Variants in TMEM117 observed in about 807,000 individuals in gnomAD.
The protein encoded by TMEM117 is transmembrane protein 117.
TMEM117 carries 27 observed loss-of-function variants against 52.4 expected under a neutral mutation model. The observed-to-expected ratio is 0.51, with a 90% CI of 0.38 to 0.71. The LOEUF (loss-of-function observed/expected upper bound fraction) is 0.71, where lower values mean the gene tolerates loss of function less well. Among genes scored for constraint, TMEM117 ranks in the 30% least tolerant of loss-of-function variants. The pLI is 0.00. For synonymous variants in TMEM117, 215 were observed against 206.3 expected, an observed-to-expected ratio of 1.04 and a Z score of -0.36; for missense variants, 556 against 630.5, an observed-to-expected ratio of 0.88 and a Z score of 1.26.
intron 2 of TMEM117, among the ~76,000 whole-genome samples, chr12:43,847,165 G>T (rs1943224617): frequency 6.6e-6 from 1 of 152,140 alleles, no homozygotes; most frequent in Non-Finnish European, 1.5e-5. Context: ...GAAGGAGCTA[G>T]ATTAAAGTGG....
At chr12:44,008,903 C>T (rs1263107506) in intron 3 of TMEM117, 1 of 414,654 alleles carries the variant, frequency 2.4e-6, no homozygotes, top group African/African-American at 2.1e-5. Flanking sequence ...TGGTTTTACT[C>T]TTTGATGTGT....
At chr12:44,024,391 G>A (rs560848273) in intron 3 of TMEM117, among the ~76,000 whole-genome samples, 15 of 152,260 alleles carry the variant, frequency 9.9e-5, no homozygotes, top group Middle Eastern at 3.4e-3. Context: ...AGTCCTCACC[G>A]TTACAGTACT....
intron 3 of TMEM117, among the ~76,000 whole-genome samples, chr12:43,951,548 C>A (rs1162913458): frequency 6.6e-6 from 1 of 152,176 alleles, no homozygotes; most frequent in Non-Finnish European, 1.5e-5. Flanking sequence ...CAGCTGTGAC[C>A]AGACTGCTTC....
chr12:43,796,639 T>C, the TMEM117 span, among the ~76,000 whole-genome samples: 1 of 152,088 alleles, frequency 6.6e-6, no homozygotes, highest in Non-Finnish European at 1.5e-5. Flanking sequence ...TTTGCACTGA[T>C]GGAAATGTCC....
chr12:43,865,294 T>C (rs1943571011), intron 2 of TMEM117, among the ~76,000 whole-genome samples: 1 of 152,110 alleles, frequency 6.6e-6, no homozygotes, highest in Admixed American at 6.5e-5. Context: ...GTAAAGTCCT[T>C]CTAACTTTAC....
the TMEM117 span, chr12:43,799,367 A>G: frequency 2.8e-6 from 4 of 1,413,300 alleles, no homozygotes; most frequent in Non-Finnish European, 3.9e-6. Flanking sequence ...AACACTTAAA[A>G]TCTTGCAAAG....
the TMEM117 span, chr12:43,805,730 T>C: frequency 2.5e-6 from 3 of 1,191,864 alleles, no homozygotes; most frequent in Non-Finnish European, 3.4e-6. Context: ...GGGAGAGTTT[T>C]GGGAAGCACC....
intron 3 of TMEM117, among the ~76,000 whole-genome samples, chr12:43,948,527 G>A (rs551574203): frequency 7.2e-4 from 109 of 152,070 alleles, no homozygotes; most frequent in African/African-American, 1.0e-3. Flanking sequence ...GGATGGTCTC[G>A]ATCTCCTGAC....
rs572854267 is a variant in TMEM117 at position 44,325,306 on chromosome 12, A to G, written c.768+25567A>G. On this transcript the variant is annotated intron_variant, in intron 6 of 7. Coordinates refer to ENST00000266534, the MANE Select transcript of TMEM117 (RefSeq NM_032256.3). ...TACAGTGAAAACTATGAATATCCAC[A>G]CTAAGTGGGGGCAGACATTGGCCAT... Among the ~76,000 whole-genome samples the G allele has an allele frequency of 2.6e-5, 4 of 152,218 alleles. No individual in the cohort carries two copies. The East Asian group carries it at 7.7e-4, about 29-fold the overall frequency.
chr12:43,984,559 C>T (rs1235712236), intron 3 of TMEM117, among the ~76,000 whole-genome samples: 3 of 152,094 alleles, frequency 2.0e-5, no homozygotes, highest in Admixed American at 6.6e-5. Context: ...TTCTTTGTGA[C>T]TTACAGAAAA....
chr12:44,153,037 C>T (rs926073706), intron 4 of TMEM117, among the ~76,000 whole-genome samples: 1 of 151,200 alleles, frequency 6.6e-6, no homozygotes, highest in African/African-American at 2.4e-5. Flanking sequence ...GGGAGTCATT[C>T]GACTAATTCC....
chr12:43,946,011 A>G (rs906868787), intron 3 of TMEM117, among the ~76,000 whole-genome samples: 3 of 152,244 alleles, frequency 2.0e-5, no homozygotes, highest in Non-Finnish European at 4.4e-5. Flanking sequence ...CAAGTGATAA[A>G]TTCACGAATG....
chr12:44,213,206 A>T (rs908956373), intron 5 of TMEM117, among the ~76,000 whole-genome samples: 1 of 152,196 alleles, frequency 6.6e-6, no homozygotes, highest in African/African-American at 2.4e-5. Context: ...TAATCATGAC[A>T]ATCCCATAAG....
chr12:44,092,302 C>G, intron 3 of TMEM117, among the ~76,000 whole-genome samples: 1 of 152,174 alleles, frequency 6.6e-6, no homozygotes, highest in East Asian at 1.9e-4. Context: ...TTTCTGAAAG[C>G]ATATTTCCAG....
chr12:44,278,812 G>A (rs536108050), intron 5 of TMEM117, among the ~76,000 whole-genome samples: 1 of 152,150 alleles, frequency 6.6e-6, no homozygotes, highest in Non-Finnish European at 1.5e-5. Context: ...CCTTTTTCTT[G>A]TCTAGGCAGA....
chr12:44,092,726 C>T (rs1947695227), intron 3 of TMEM117, among the ~76,000 whole-genome samples: 1 of 152,182 alleles, frequency 6.6e-6, no homozygotes, highest in Admixed American at 6.6e-5. Context: ...TCAGCAGTCT[C>T]CATGTAGATC....
chr12:43,965,760 T>C (rs1945474039), intron 3 of TMEM117, among the ~76,000 whole-genome samples: 1 of 152,150 alleles, frequency 6.6e-6, no homozygotes, highest in Non-Finnish European at 1.5e-5. Flanking sequence ...TAATTTTGAC[T>C]TTTATTTTAG....
In TMEM117 at chr12:44,224,391, G is replaced by A. The variant is rs76095047; in HGVS notation, c.608+13004G>A. On this transcript the variant is annotated intron_variant, in intron 5 of 7. Coordinates refer to ENST00000266534, the MANE Select transcript of TMEM117 (RefSeq NM_032256.3). ...TTTTTGTCCCATCTATACTTAATCT[G>A]CAGATTCATTGATGACTCTTCTCTA... is the stretch of plus-strand genomic sequence containing the variant. Among the ~76,000 whole-genome samples the A allele has an allele frequency of 6.2e-3, 938 of 152,114 alleles. 12 individuals are homozygous for A. The highest frequency in any genetic ancestry group is 5.9e-3 in the Non-Finnish European group (404 of 68,004).
the TMEM117 span, among the ~76,000 whole-genome samples, chr12:43,825,250 G>T: frequency 2.0e-5 from 3 of 152,208 alleles, no homozygotes; most frequent in Admixed American, 2.0e-4. Context: ...ACAAGGGTTG[G>T]CGTAGAAGCA....
Sources: gnomAD v4.1 joint callset for allele counts (sites outside exome capture counted in the v4.1 genomes callset) on GRCh38, gnomAD v4.1.1 for gene constraint, MANE v1.5 for transcripts, NCBI Gene and HGNC (gene_info 2026-07-23, HGNC 2026-07-21) for gene names.